The following ZNF704 variants were observed in gnomAD, a reference collection of about 807,000 sequenced individuals.
The protein encoded by ZNF704 is glucocorticoid induced gene 1.
Under a neutral mutation model 44.7 loss-of-function variants are expected in ZNF704, and 10 were observed. The ratio of observed to expected loss-of-function variants is 0.22; its 90% confidence interval spans 0.14 to 0.38. The LOEUF is 0.38. Ranked by LOEUF, ZNF704 falls within the 10% of genes least tolerant of loss-of-function variation. The pLI is 1.00. For synonymous variants in ZNF704, 211 were observed against 207.6 expected (o/e 1.02, Z -0.14); for missense variants, 390 against 545.5 (o/e 0.71, Z 2.84).
At chr8:80,696,443 A>G (rs935003027) in intron 2 of ZNF704, among the ~76,000 whole-genome samples, 2 of 152,114 alleles carry the variant, frequency 1.3e-5, no homozygotes, top group Non-Finnish European at 2.9e-5. Context: ...TTTGAGATGG[A>G]GTCTTGCTCT....
At position 80,676,932 on chromosome 8, in the gene ZNF704, T is replaced by C. The variant is rs540495235; in HGVS notation, c.559-6329A>G. On this transcript the variant is annotated intron_variant, in intron 4 of 8. Coordinates refer to ENST00000327835, the MANE Select transcript of ZNF704 (RefSeq NM_001033723.3). ...GCCTCCTGCTGTGTGGCGGGGTTCC[T>C]AACCGGCTGTGTGCGGACTGATAAC... Among the ~76,000 whole-genome samples the C allele has an allele frequency of 3.8e-3, 579 of 152,330 alleles. 3 individuals carry two copies. Among genetic ancestry groups the C allele is most frequent in the African/African-American group, 0.013 (558 of 41,574 alleles).
intron 5 of ZNF704, among the ~76,000 whole-genome samples, chr8:80,666,698 C>A (rs111460151): frequency 1.2e-3 from 184 of 151,932 alleles, no homozygotes; most frequent in Non-Finnish European, 1.2e-3. Flanking sequence ...TTTTGATTTG[C>A]ATTTCTCTGA....
At chr8:80,773,616 T>G (rs539724523) in intron 2 of ZNF704, among the ~76,000 whole-genome samples, 81 of 152,352 alleles carry the variant, frequency 5.3e-4, no homozygotes, top group African/African-American at 1.8e-3. Flanking sequence ...GTAGGTCTGA[T>G]GGTGACAAAT....
chr8:80,664,589 C>T (rs1337310082), intron 6 of ZNF704, among the ~76,000 whole-genome samples: 2 of 152,188 alleles, frequency 1.3e-5, no homozygotes, highest in East Asian at 1.9e-4. Flanking sequence ...ATCATCATAA[C>T]AATCTCTACG....
At chr8:80,809,456 C>T (rs1016409658) in intron 2 of ZNF704, among the ~76,000 whole-genome samples, 12 of 152,140 alleles carry the variant, frequency 7.9e-5, no homozygotes, top group Non-Finnish European at 1.6e-4. Context: ...GAGATGAATA[C>T]TATTTTGGGG....
chr8:80,667,244 G>A (rs997496370), intron 5 of ZNF704, among the ~76,000 whole-genome samples: 2 of 152,200 alleles, frequency 1.3e-5, no homozygotes, highest in Admixed American at 6.5e-5. Flanking sequence ...AGCCCACGGC[G>A]ATGGCTTTGG....
intron 7 of ZNF704, among the ~76,000 whole-genome samples, 153 bp from the exon 8 acceptor site, chr8:80,643,282 G>A (rs919171169): frequency 1.3e-5 from 2 of 152,174 alleles, no homozygotes; most frequent in Admixed American, 1.3e-4. Context: ...AACTTTGGGA[G>A]GCCAAGGAGG....
At chr8:80,828,308 A>G (rs930162477) in intron 1 of ZNF704, among the ~76,000 whole-genome samples, 11 of 152,222 alleles carry the variant, frequency 7.2e-5, no homozygotes, top group African/African-American at 2.2e-4. Flanking sequence ...TTAAACCTTA[A>G]TGAACTGAAT....
At chr8:80,734,628 G>A (rs1806635448) in intron 2 of ZNF704, among the ~76,000 whole-genome samples, 1 of 152,180 alleles carries the variant, frequency 6.6e-6, no homozygotes, top group African/African-American at 2.4e-5. Context: ...CTTATTTCCT[G>A]TTGAAATACA....
chr8:80,662,903 T>A (rs905104833), intron 6 of ZNF704, among the ~76,000 whole-genome samples: 1 of 152,224 alleles, frequency 6.6e-6, no homozygotes, highest in Non-Finnish European at 1.5e-5. Flanking sequence ...CAATTTGGTG[T>A]TTCAATTTAA....
At position 80,640,858 on chromosome 8, in the gene ZNF704, C is replaced by T. The variant is rs1401330839; in HGVS notation, c.*508G>A. 1 of 153,216 alleles carries T rather than the reference C, an allele frequency of 6.5e-6. No individual in the cohort carries two copies. The highest frequency in any genetic ancestry group is 1.5e-5 in the Non-Finnish European group (1 of 68,538). The allele number at this position is 153,216 out of a possible 1,614,324, so 9.5% of individuals were successfully genotyped here. A position where few individuals can be genotyped will look rare whatever the true frequency, so the allele number is the denominator to read the frequency against. On this transcript the variant is annotated 3_prime_UTR_variant, in exon 9 of 9. Coordinates refer to ENST00000327835, the MANE Select transcript of ZNF704 (RefSeq NM_001033723.3). Reference sequence around the variant, plus strand: ...TGCGCTGTCTTGCAACACATCCTGACATATACTGCTCCAAGAAGTCAAATG... The same window carrying T: ...TGCGCTGTCTTGCAACACATCCTGATATATACTGCTCCAAGAAGTCAAATG...
intron 2 of ZNF704, among the ~76,000 whole-genome samples, chr8:80,783,970 ATCATACAGTATGT>A (rs1344293081): frequency 8.5e-5 from 13 of 152,164 alleles, no homozygotes; most frequent in African/African-American, 2.7e-4. Flanking sequence ...TATAGTTGGA[ATCATACAGTATGT>A]AGCCTTTTCA....
At chr8:80,804,063 C>G (rs780099105) in intron 2 of ZNF704, among the ~76,000 whole-genome samples, 4 of 151,948 alleles carry the variant, frequency 2.6e-5, no homozygotes, top group Non-Finnish European at 5.9e-5. Flanking sequence ...ATGTGGCCAA[C>G]AAACATATGA....
At chr8:80,823,783 C>T (rs1808321534) in intron 1 of ZNF704, among the ~76,000 whole-genome samples, 1 of 152,186 alleles carries the variant, frequency 6.6e-6, no homozygotes, top group African/African-American at 2.4e-5. Context: ...GTTCTGCAGC[C>T]TCCGCTGGTG....
chr8:80,673,291 G>T (rs958813053), intron 4 of ZNF704: 1 of 152,208 alleles, frequency 6.6e-6, no homozygotes, highest in Non-Finnish European at 1.5e-5. Flanking sequence ...GGTTAAGAAG[G>T]TCTGCACTAG....
intron 5 of ZNF704, among the ~76,000 whole-genome samples, chr8:80,669,127 A>G (rs758902123): frequency 2.0e-5 from 3 of 152,208 alleles, no homozygotes; most frequent in Non-Finnish European, 4.4e-5. Flanking sequence ...ACATATAAAC[A>G]GCATATGCTT....
chr8:80,800,161 G>C (rs1030377628), intron 2 of ZNF704, among the ~76,000 whole-genome samples: 1 of 152,152 alleles, frequency 6.6e-6, no homozygotes, highest in Admixed American at 6.5e-5. Flanking sequence ...TGAGAAATAT[G>C]GGATTATGTA....
rs1817633334 is a variant in ZNF704 at position 80,634,312 on chromosome 8, C to T, written c.*7054G>A. ...GAGAGAGCTGGATAACTCAGCGTAT[C>T]TATATTCAAGTCTGCCATGAGAATG... On this transcript the variant is annotated 3_prime_UTR_variant, in exon 9 of 9. Coordinates refer to ENST00000327835, the MANE Select transcript of ZNF704 (RefSeq NM_001033723.3). 1 of 152,226 alleles carries T rather than the reference C, an allele frequency of 6.6e-6. No individual in the cohort carries two copies. Among genetic ancestry groups the T allele is most frequent in the African/African-American group, 2.4e-5 (1 of 41,436 alleles). The allele number at this position is 152,226 out of a possible 1,614,324, so 9.4% of individuals were successfully genotyped here.
At chr8:80,773,858 C>T (rs951885815) in intron 2 of ZNF704, among the ~76,000 whole-genome samples, 1 of 152,062 alleles carries the variant, frequency 6.6e-6, no homozygotes, top group Non-Finnish European at 1.5e-5. Context: ...GCATTTTTAT[C>T]ATGACTGCTT....
Sources: gnomAD v4.1 joint callset for allele counts (sites outside exome capture counted in the v4.1 genomes callset) on GRCh38, gnomAD v4.1.1 for gene constraint, MANE v1.5 for transcripts, NCBI Gene and HGNC (gene_info 2026-07-23, HGNC 2026-07-21) for gene names.